DBT: variants seen among roughly 807,000 people sequenced by gnomAD.
DBT encodes lipoamide acyltransferase component of branched-chain alpha-keto acid dehydrogenase complex, mitochondrial.
A neutral mutation model predicts 51.3 loss-of-function variants in DBT; 40 were observed. The ratio of observed to expected loss-of-function variants is 0.78; its 90% CI spans 0.61 to 1.02. The LOEUF (loss-of-function observed/expected upper bound fraction) is 1.02, where lower values mean the gene tolerates loss of function less well. DBT is among the 50% of genes least tolerant of loss of function. DBT has a pLI of 0.00. For missense variants in DBT, 510 were observed against 580.2 expected (o/e 0.88, Z 1.24); for synonymous variants, 181 against 190.4 (o/e 0.95, Z 0.41).
intron 7 of DBT, among the ~76,000 whole-genome samples, chr1:100,211,364 G>A (rs1470798351): frequency 6.6e-6 from 1 of 152,042 alleles, no homozygotes; most frequent in African/African-American, 2.4e-5. Context: ...TTTCTCTCCT[G>A]TCCATATTCA....
rs564387135 is a variant in DBT, at chr1:100,213,694, C to A, written c.939+1123G>T. 1.8e-3 allele frequency: 2,943 copies of A among 1,603,070 alleles called. 7 individuals carry two copies. The highest frequency in any genetic ancestry group is 2.2e-3 in the Non-Finnish European group (2,603 of 1,175,320). ...AAAGGGAACACCAGGCTCGGCCTTT[C>A]CTACACCCAGCTCTCTTTTTCTAAT... On this transcript the variant is annotated intron_variant, in intron 7 of 10. Coordinates refer to ENST00000370132, the MANE Select transcript of DBT (RefSeq NM_001918.5).
At chr1:100,201,690 G>C (rs1449892633) in intron 10 of DBT, among the ~76,000 whole-genome samples, 1 of 152,216 alleles carries the variant, frequency 6.6e-6, no homozygotes, top group African/African-American at 2.4e-5. Flanking sequence ...AAGCCCATCA[G>C]ACTAACAGTG....
At chr1:100,239,152 T>C (rs1664064922) in intron 2 of DBT, among the ~76,000 whole-genome samples, 1 of 152,230 alleles carries the variant, frequency 6.6e-6, no homozygotes, top group African/African-American at 2.4e-5. Context: ...TCAATAAATA[T>C]TAATTGTTGA....
chr1:100,218,785 AAT>A, intron 4 of DBT, 38 bp from the exon 5 acceptor site: 1 of 1,607,362 alleles, frequency 6.2e-7, no homozygotes, highest in Non-Finnish European at 8.5e-7. Flanking sequence ...GTTGAAAAAA[AAT>A]TTTTTTTTTT....
intron 2 of DBT, among the ~76,000 whole-genome samples, chr1:100,238,987 A>T (rs898067791): frequency 6.6e-6 from 1 of 152,212 alleles, no homozygotes; most frequent in Non-Finnish European, 1.5e-5. Context: ...AAGCAGTATT[A>T]GTATATGTAA....
intron 4 of DBT, among the ~76,000 whole-genome samples, chr1:100,221,950 G>A (rs1467995148): frequency 2.0e-5 from 3 of 152,104 alleles, no homozygotes; most frequent in African/African-American, 7.2e-5. Context: ...AAAATGCTTT[G>A]AAATACTAAA....
chr1:100,249,723 G>A, intron 1 of DBT, 47 bp downstream of exon 1: 6 of 1,593,472 alleles, frequency 3.8e-6, no homozygotes, highest in Non-Finnish European at 5.2e-6. Flanking sequence ...GGATGACTCC[G>A]GACAAATCAC....
chr1:100,227,524 C>A (rs1663293238), intron 4 of DBT, among the ~76,000 whole-genome samples: 1 of 152,186 alleles, frequency 6.6e-6, no homozygotes, highest in Non-Finnish European at 1.5e-5. Flanking sequence ...CATTCCACAA[C>A]CACTAAAGCA....
Position 100,194,721 on chromosome 1 carries a change from C to T in DBT, c.*1534G>A, listed in dbSNP as rs376256934. 1 of 152,246 alleles carries T rather than the reference C, an allele frequency of 6.6e-6. No individual in the cohort carries two copies. Among genetic ancestry groups the T allele is most frequent in the Non-Finnish European group, 1.5e-5 (1 of 68,072 alleles). The allele number at this position is 152,246 out of a possible 1,614,324, so 9.4% of individuals were successfully genotyped here. A position where few individuals can be genotyped will look rare whatever the true frequency, so the allele number is the denominator to read the frequency against. ...CTCAAACTCCTGGCCTCAAGTGATC[C>T]TCCTGCTTCAGCCTCCCCTATAACT... On this transcript the variant is annotated 3_prime_UTR_variant, in exon 11 of 11. Transcript: ENST00000370132.
intron 1 of DBT, among the ~76,000 whole-genome samples, chr1:100,241,699 A>C (rs1434812512): frequency 2.6e-5 from 4 of 152,146 alleles, no homozygotes; most frequent in African/African-American, 9.7e-5. Flanking sequence ...GCCAGGCCAT[A>C]ATATCTTATT....
intron 4 of DBT, among the ~76,000 whole-genome samples, chr1:100,228,898 T>A (rs868038451): frequency 3.0e-4 from 46 of 152,220 alleles, no homozygotes; most frequent in African/African-American, 1.1e-3. Context: ...CCTAGAAAAA[T>A]ATCTGGAATG....
chr1:100,209,094 TTTTC>T (rs1661976881), intron 8 of DBT, among the ~76,000 whole-genome samples: 1 of 68,332 alleles, frequency 1.5e-5, no homozygotes, highest in African/African-American at 4.3e-5. Flanking sequence ...TTTTCTTTTC[TTTTC>T]TTTTTTTTTT....
At chr1:100,241,715 A>G (rs1376851432) in intron 1 of DBT, among the ~76,000 whole-genome samples, 1 of 152,044 alleles carries the variant, frequency 6.6e-6, no homozygotes, top group Non-Finnish European at 1.5e-5. Flanking sequence ...TTATTTGGAA[A>G]GTTAATATTT....
chr1:100,207,868 C>T (rs1050957897), intron 8 of DBT, among the ~76,000 whole-genome samples: 3 of 151,892 alleles, frequency 2.0e-5, no homozygotes, highest in African/African-American at 7.3e-5. Flanking sequence ...CACAGTGGCT[C>T]ACGCCTGTAA....
chr1:100,241,811 G>A (rs900588444), intron 1 of DBT, among the ~76,000 whole-genome samples: 3 of 152,306 alleles, frequency 2.0e-5, no homozygotes, highest in South Asian at 2.1e-4. Context: ...GAGGTAGGGA[G>A]TTAAAGAGAC....
intron 10 of DBT, among the ~76,000 whole-genome samples, 185 bp from the exon 11 acceptor site, chr1:100,196,607 A>AGTATAT (rs1661123481): frequency 1.3e-5 from 2 of 152,182 alleles, no homozygotes; most frequent in Non-Finnish European, 2.9e-5. Flanking sequence ...CCCATCTTTG[A>AGTATAT]GTATATGCCT....
intron 3 of DBT, among the ~76,000 whole-genome samples, chr1:100,234,482 A>G (rs1034578739): frequency 6.6e-6 from 1 of 152,144 alleles, no homozygotes; most frequent in East Asian, 1.9e-4. Flanking sequence ...CCAAAAAAAA[A>G]AAAAAAGTCG....
At position 100,209,357 on chromosome 1, in the gene DBT, C is replaced by T. The variant is rs138504669; in HGVS notation, c.1017+1337G>A. Among the ~76,000 whole-genome samples, 659 of 152,116 alleles carry T rather than the reference C, an allele frequency of 4.3e-3. 6 individuals are homozygous for T. The highest frequency in any genetic ancestry group is 0.015 in the African/African-American group (630 of 41,500). On this transcript the variant is annotated intron_variant, in intron 8 of 10. Coordinates refer to ENST00000370132, the MANE Select transcript of DBT (RefSeq NM_001918.5). ...TCAAGCCATCCTCCTACCTCTGTCC[C>T]CCAAAGTGCTGGGATTACAGGCAGG...
chr1:100,223,671 T>C (rs959706350), intron 4 of DBT, among the ~76,000 whole-genome samples: 34 of 152,302 alleles, frequency 2.2e-4, no homozygotes, highest in Admixed American at 1.1e-3. Context: ...TCTCACTGTG[T>C]TGCCCAGGCT....
Sources: gnomAD v4.1 joint callset for allele counts (sites outside exome capture counted in the v4.1 genomes callset) on GRCh38, gnomAD v4.1.1 for gene constraint, MANE v1.5 for transcripts, NCBI Gene and HGNC (gene_info 2026-07-23, HGNC 2026-07-21) for gene names.